IQSEC2: variants seen among roughly 807,000 people sequenced by gnomAD.
IQSEC2 encodes IQ motif and SEC7 domain-containing protein 2.
IQSEC2 carries 6 observed loss-of-function variants against 74.6 expected under a neutral mutation model. The ratio of observed to expected loss-of-function variants is 0.08; its 90% CI spans 0.04 to 0.16. IQSEC2 has a LOEUF of 0.16. IQSEC2 is among the 10% of genes least tolerant of loss of function. The pLI is 1.00. For synonymous variants in IQSEC2, 494 were observed against 544.5 expected (o/e 0.91, Z 1.29); for missense variants, 734 against 1,306.2 (o/e 0.56, Z 6.75).
intron 2 of IQSEC2, among the ~76,000 whole-genome samples, chrX:53,287,414 G>A (rs371256315): frequency 1.8e-5 from 2 of 112,648 alleles, no homozygotes; most frequent in African/African-American, 3.2e-5. Flanking sequence ...CCAGCCACAC[G>A]CTCACACACA....
At chrX:53,313,875 C>T (rs1347930329) in intron 1 of IQSEC2, among the ~76,000 whole-genome samples, 13 of 112,315 alleles carry the variant, frequency 1.2e-4, no homozygotes, top group African/African-American at 2.3e-4. Flanking sequence ...TCCAAAGTCT[C>T]GTCCAAGTCT....
rs1166299260 is a variant in IQSEC2 at position 53,303,072 on chromosome X, C to T, written c.708-11148G>A. Among the ~76,000 whole-genome samples the T allele has an allele frequency of 2.7e-5, 3 of 109,178 alleles. No homozygotes were observed. The East Asian group carries it at 8.8e-4, about 32-fold the overall frequency. 94.8% of individuals were successfully genotyped at this position (109,178 alleles called of 115,157 possible). ...CAAAAAATTAGCCAGGTGTGGTGGCCTATGCCTGTGGTCCCAGCTACTTGG... is the reference window on the plus strand; with the variant it reads ...CAAAAAATTAGCCAGGTGTGGTGGCTTATGCCTGTGGTCCCAGCTACTTGG... On this transcript the variant is annotated intron_variant, in intron 1 of 14. Coordinates refer to ENST00000642864, the MANE Select transcript of IQSEC2 (RefSeq NM_001111125.3).
intron 9 of IQSEC2, among the ~76,000 whole-genome samples, chrX:53,243,058 G>C (rs2074248791): frequency 8.9e-6 from 1 of 112,189 alleles, no homozygotes; most frequent in Non-Finnish European, 1.9e-5. Flanking sequence ...TCTTACTTTG[G>C]TTTTCTGCTA....
intron 2 of IQSEC2, among the ~76,000 whole-genome samples, chrX:53,285,037 C>A (rs1276386497): frequency 8.9e-6 from 1 of 112,243 alleles, no homozygotes; most frequent in African/African-American, 3.2e-5. Context: ...TGCAGATACT[C>A]CTTTAGTTCT....
intron 1 of IQSEC2, among the ~76,000 whole-genome samples, chrX:53,304,666 T>G (rs2075243160): frequency 8.9e-6 from 1 of 111,981 alleles, no homozygotes; most frequent in South Asian, 3.8e-4. Flanking sequence ...CAAGAGAGCC[T>G]TGAATACCAG....
downstream of IQSEC2, chrX:53,231,728 GA>G (rs782183343): frequency 8.9e-6 from 1 of 112,154 alleles, no homozygotes; most frequent in African/African-American, 3.2e-5. Context: ...CAGCAGGGAA[GA>G]AAACTAAAAA....
chrX:53,267,065 C>G, intron 2 of IQSEC2: 1 of 1,151,260 alleles, frequency 8.7e-7, no homozygotes, highest in East Asian at 3.3e-5. Context: ...CTCCTCTTCC[C>G]TGGGGCCAGG....
intron 4 of IQSEC2, among the ~76,000 whole-genome samples, chrX:53,254,318 G>A (rs1237297934): frequency 5.4e-5 from 4 of 74,112 alleles, no homozygotes; most frequent in African/African-American, 1.6e-4. Flanking sequence ...TGTCGAGAGC[G>A]AAACTCCGTC....
At chrX:53,237,423 AG>A (rs1470705037) in intron 12 of IQSEC2, 1 of 113,446 alleles carries the variant, frequency 8.8e-6, no homozygotes, top group Non-Finnish European at 1.8e-5. Flanking sequence ...GGCCTCACCA[AG>A]GAGCTGTCCG....
chrX:53,274,518 G>C (rs1556869149), intron 2 of IQSEC2, among the ~76,000 whole-genome samples: 1 of 83,238 alleles, frequency 1.2e-5, no homozygotes, highest in Non-Finnish European at 2.2e-5. Context: ...CTGGAGTGCA[G>C]TGGCGCAATC....
intron 2 of IQSEC2, among the ~76,000 whole-genome samples, chrX:53,262,617 A>C (rs1409586285): frequency 1.8e-5 from 2 of 111,968 alleles, no homozygotes; most frequent in Non-Finnish European, 3.8e-5. Flanking sequence ...GAGAGGAGGC[A>C]GGGGGACTGC....
chrX:53,300,493 TG>T (rs782417547), intron 1 of IQSEC2, among the ~76,000 whole-genome samples: 3 of 111,560 alleles, frequency 2.7e-5, no homozygotes, highest in African/African-American at 9.8e-5. Context: ...TCTATTTCCA[TG>T]GCTGACTCTC....
chrX:53,271,807 C>T (rs1556868714), intron 2 of IQSEC2, among the ~76,000 whole-genome samples: 1 of 111,745 alleles, frequency 8.9e-6, no homozygotes, highest in African/African-American at 3.3e-5. Context: ...ATCCATTCAA[C>T]TGACACTTTG....
intron 1 of IQSEC2, among the ~76,000 whole-genome samples, chrX:53,299,945 A>G (rs781786908): frequency 9.1e-6 from 1 of 110,392 alleles, no homozygotes; most frequent in Non-Finnish European, 1.9e-5. Flanking sequence ...TGTTTGTTTG[A>G]GACAGGGTTT....
intron 9 of IQSEC2, among the ~76,000 whole-genome samples, chrX:53,242,192 G>A (rs1267384973): frequency 9.0e-6 from 1 of 110,667 alleles, no homozygotes; most frequent in African/African-American, 3.3e-5. Context: ...CCAGCACTTT[G>A]GGAGGCCGAG....
At chrX:53,311,471 G>A (rs782420918) in intron 1 of IQSEC2, among the ~76,000 whole-genome samples, 1 of 111,432 alleles carries the variant, frequency 9.0e-6, no homozygotes, top group South Asian at 3.8e-4. Context: ...CCCAAGCACA[G>A]GCCTGATCAT....
intron 2 of IQSEC2, among the ~76,000 whole-genome samples, chrX:53,265,005 A>G (rs2074633565): frequency 1.8e-5 from 2 of 110,300 alleles, no homozygotes; most frequent in Admixed American, 9.7e-5. Context: ...GCCTCAAGCC[A>G]TCTGCCTGTC....
intron 1 of IQSEC2, among the ~76,000 whole-genome samples, chrX:53,307,261 C>CT (rs1289976021): frequency 5.2e-5 from 5 of 95,772 alleles, no homozygotes; most frequent in East Asian, 6.9e-4. Flanking sequence ...GTCAGACTTT[C>CT]TTTTTTTTTC....
intron 2 of IQSEC2, among the ~76,000 whole-genome samples, chrX:53,268,328 G>A (rs1216839491): frequency 9.0e-6 from 1 of 111,217 alleles, no homozygotes; most frequent in Non-Finnish European, 1.9e-5. Context: ...GCACAGACAA[G>A]CACACACACG....
Sources: gnomAD v4.1 joint callset for allele counts (sites outside exome capture counted in the v4.1 genomes callset) on GRCh38, gnomAD v4.1.1 for gene constraint, MANE v1.5 for transcripts, NCBI Gene and HGNC (gene_info 2026-07-23, HGNC 2026-07-21) for gene names.